Variants in SOS2 observed in about 807,000 individuals in gnomAD.
SOS2 encodes son of sevenless homolog 2.
A neutral mutation model predicts 148.2 loss-of-function variants in SOS2; 65 were observed. The ratio of observed to expected loss-of-function variants is 0.44; its 90% CI spans 0.36 to 0.54. SOS2 has a LOEUF of 0.54. SOS2 is among the 20% of genes least tolerant of loss of function. The pLI, the probability that SOS2 is intolerant of heterozygous loss-of-function variation, is 0.00. For synonymous variants in SOS2, 539 were observed against 537.1 expected, an observed-to-expected ratio of 1.00 and a Z score of -0.05; for missense variants, 1,341 against 1,590.2, an observed-to-expected ratio of 0.84 and a Z score of 2.67.
intron 7 of SOS2, among the ~76,000 whole-genome samples, chr14:50,178,637 C>CA (rs1242229732): frequency 6.8e-6 from 1 of 147,940 alleles, no homozygotes; most frequent in African/African-American, 2.5e-5. Context: ...TGTGCACCAC[C>CA]ATGCCCGCTA....
At chr14:50,131,154 A>G (rs1404409519) in intron 19 of SOS2, among the ~76,000 whole-genome samples, 1 of 152,088 alleles carries the variant, frequency 6.6e-6, no homozygotes, top group African/African-American at 2.4e-5. Flanking sequence ...AAAAAAGATC[A>G]TTTTTTCCCC....
chr14:50,155,948 C>A (rs1884800928), intron 12 of SOS2: 1 of 152,064 alleles, frequency 6.6e-6, no homozygotes, highest in Non-Finnish European at 1.5e-5. Context: ...TCTTCTTATA[C>A]AAAGAATGAC....
At chr14:50,221,255 CCT>C (rs879292768) in intron 1 of SOS2, among the ~76,000 whole-genome samples, 40 of 151,906 alleles carry the variant, frequency 2.6e-4, no homozygotes, top group African/African-American at 5.8e-4. Context: ...CTTTTTTTCC[CCT>C]GTGAACTGGG....
At chr14:50,172,419 C>CTTTTTTTTTTT (rs768766517) in intron 8 of SOS2, among the ~76,000 whole-genome samples, 20,577 of 80,950 alleles carry the variant, frequency 0.25, 5,479 homozygotes, top group Non-Finnish European at 0.31. Context: ...TTATTCATTC[C>CTTTTTTTTTTT]TTTTTTTTTT....
intron 8 of SOS2, among the ~76,000 whole-genome samples, chr14:50,170,097 ATTT>A (rs113568518): frequency 7.4e-6 from 1 of 135,412 alleles, no homozygotes; most frequent in African/African-American, 2.7e-5. Flanking sequence ...AGCTAATCTG[ATTT>A]TTTTTTTTTT....
At chr14:50,213,333 CACAA>C (rs1398864921) in intron 1 of SOS2, among the ~76,000 whole-genome samples, 4 of 152,084 alleles carry the variant, frequency 2.6e-5, no homozygotes, top group Non-Finnish European at 5.9e-5. Flanking sequence ...TAGAAAAACA[CACAA>C]ACAAGAAAAC....
chr14:50,194,956 A>C (rs934808947), intron 4 of SOS2, among the ~76,000 whole-genome samples: 1 of 151,910 alleles, frequency 6.6e-6, no homozygotes, highest in Admixed American at 6.6e-5. Flanking sequence ...AGACTTGTAC[A>C]CTTTACAAAA....
chr14:50,228,000 A>G (rs1303722578), intron 1 of SOS2, among the ~76,000 whole-genome samples: 1 of 151,926 alleles, frequency 6.6e-6, no homozygotes, highest in Admixed American at 6.6e-5. Context: ...TTACACATCT[A>G]TAAGATTAAG....
rs373602186 is a variant in SOS2 at position 50,224,883 on chromosome 14, CAA to C, written c.87+6312_87+6313del. 1.0e-4 allele frequency among the ~76,000 whole-genome samples: 10 copies of C among 96,690 alleles called. 1 individual carries two copies. The highest frequency in any genetic ancestry group is 1.0e-3 in the East Asian group (3 of 2,994). 63.4% of individuals were successfully genotyped at this position (96,690 alleles called of 152,430 possible). On this transcript the variant is annotated intron_variant, in intron 1 of 22. Transcript: ENST00000216373. ...CCTGCGTAGCAGAGCAAAACCCTGTCAAAAAAAAAAAAAAAGAGAGAGAGAGA... is the reference window on the plus strand; with the variant it reads ...CCTGCGTAGCAGAGCAAAACCCTGTCAAAAAAAAAAAAAGAGAGAGAGAGA...
At chr14:50,141,367 A>T (rs182976216) in intron 16 of SOS2, among the ~76,000 whole-genome samples, 1 of 152,028 alleles carries the variant, frequency 6.6e-6, no homozygotes, top group Non-Finnish European at 1.5e-5. Context: ...ATAAAATTTA[A>T]AAAATTAGCT....
chr14:50,201,375 A>C (rs1886481035), intron 2 of SOS2, among the ~76,000 whole-genome samples: 1 of 152,050 alleles, frequency 6.6e-6, no homozygotes. Flanking sequence ...TATTAAAAAT[A>C]CAAAAATTAG....
At chr14:50,224,883 CA>C (rs373602186) in intron 1 of SOS2, among the ~76,000 whole-genome samples, 22 of 96,678 alleles carry the variant, frequency 2.3e-4, no homozygotes, top group South Asian at 1.7e-3. Flanking sequence ...AAAACCCTGT[CA>C]AAAAAAAAAA....
intron 8 of SOS2, among the ~76,000 whole-genome samples, chr14:50,164,957 T>C (rs989149168): frequency 1.3e-5 from 2 of 152,098 alleles, no homozygotes; most frequent in African/African-American, 4.8e-5. Context: ...TGTGCCAGTG[T>C]GTGCAGATCG....
rs71118851 is a variant in SOS2 at position 50,181,992 on chromosome 14, T to TAA, written c.858+469_858+470dup. On this transcript the variant is annotated intron_variant, in intron 6 of 22. Coordinates refer to ENST00000216373, the MANE Select transcript of SOS2 (RefSeq NM_006939.4). ...CCTTCATCTTGAATATACTTACCAC[T>TAA]AAAAAAAAAAAAAAAACCTAAATGT... Among the ~76,000 whole-genome samples the TAA allele has an allele frequency of 1.4e-3, 187 of 131,304 alleles. 1 individual carries two copies. The highest frequency in any genetic ancestry group is 1.5e-3 in the Non-Finnish European group (91 of 60,710). 86.1% of individuals were successfully genotyped at this position (131,304 alleles called of 152,430 possible).
rs747521589 is a variant in SOS2, at chr14:50,118,569, C to T, written c.3774G>A (p.Ser1258=). The change falls in exon 23 of 23, where the codon TCG becomes TCA. Residue 1258 remains serine, a synonymous_variant. Transcript: ENST00000216373. The part of the protein sequence containing the change: ...WLRDISTCPN[S]PSTPPSTPSP... Reference sequence around the variant, plus strand: ...AGGGTGTGCTAGGAGGAGTGCTTGGCGAATTTGGACACGTACTAATGTCTC... The same window carrying T: ...AGGGTGTGCTAGGAGGAGTGCTTGGTGAATTTGGACACGTACTAATGTCTC... The T allele has an allele frequency of 8.3e-5, 134 of 1,613,862 alleles. No homozygotes were observed. The highest frequency in any genetic ancestry group is 1.1e-4 in the Non-Finnish European group (128 of 1,180,006).
In SOS2 at chr14:50,153,141, T is replaced by A; in HGVS notation, c.2090A>T (p.His697Leu). 6.2e-7 allele frequency: 1 copy of A among 1,606,458 alleles called. No homozygotes were observed. The highest frequency in any genetic ancestry group is 8.5e-7 in the Non-Finnish European group (1 of 1,174,236). ...GTCTCTTTCAAAGTCATAAAAATGA[T>A]GTTCAACCCAATGCCGAAATACATT... The part of the protein sequence containing the change: ...ILNVFRHWVE[H>L]HFYDFERDLE... Residue 697 changes from histidine to leucine, a missense_variant, in exon 13 of 23, where the codon CAT (histidine) becomes CTT (leucine). By Grantham distance (99) the His-to-Leu change is moderately conservative. Transcript: ENST00000216373.
Position 50,187,585 on chromosome 14 carries a change from G to A in SOS2, c.714+912C>T, listed in dbSNP as rs575154798. Among the ~76,000 whole-genome samples the A allele has an allele frequency of 5.3e-5, 8 of 151,790 alleles. No homozygotes were observed. In the South Asian group the frequency reaches 1.7e-3, roughly 32 times the overall value. ...AGGATGGTCTCGATCTCCTGACCAC[G>A]TGATCTGCCTGCCTTGGCCTCCCAA... On this transcript the variant is annotated intron_variant, in intron 5 of 22. Coordinates refer to ENST00000216373, the MANE Select transcript of SOS2 (RefSeq NM_006939.4).
chr14:50,225,655 CCCT>C (rs541834319), intron 1 of SOS2, among the ~76,000 whole-genome samples: 12 of 152,256 alleles, frequency 7.9e-5, no homozygotes, highest in African/African-American at 2.9e-4. Context: ...CCAAATGACT[CCCT>C]CGAGTTCTAC....
intron 8 of SOS2, among the ~76,000 whole-genome samples, chr14:50,164,617 C>A (rs115549039): frequency 6.7e-6 from 1 of 148,874 alleles, no homozygotes; most frequent in Non-Finnish European, 1.5e-5. Context: ...GGTGATAAGG[C>A]GAGATTCTGT....
Sources: gnomAD v4.1 joint callset for allele counts (sites outside exome capture counted in the v4.1 genomes callset) on GRCh38, gnomAD v4.1.1 for gene constraint, MANE v1.5 for transcripts, NCBI Gene and HGNC (gene_info 2026-07-23, HGNC 2026-07-21) for gene names.